Variants in CDH18 observed in about 807,000 individuals in gnomAD.
CDH18 encodes the protein cadherin 18.
Under a neutral mutation model 67.9 loss-of-function variants are expected in CDH18, and 31 were observed. The ratio of observed to expected loss-of-function variants is 0.46; its 90% CI spans 0.34 to 0.62. CDH18 has a LOEUF of 0.62. Among genes scored for constraint, CDH18 ranks in the 20% least tolerant of loss-of-function variants. CDH18 has a pLI of 0.01. For missense variants in CDH18, 890 were observed against 975.5 expected (o/e 0.91, Z 1.17); for synonymous variants, 362 against 347.2 (o/e 1.04, Z -0.48).
chr5:19,675,778 A>G (rs1319019982), intron 5 of CDH18, among the ~76,000 whole-genome samples: 2 of 152,092 alleles, frequency 1.3e-5, no homozygotes, highest in Non-Finnish European at 2.9e-5. Context: ...AAATCACAAG[A>G]GTATTGATTG....
chr5:20,010,377 T>G (rs184465535), intron 2 of CDH18, among the ~76,000 whole-genome samples: 110 of 152,100 alleles, frequency 7.2e-4, no homozygotes, highest in Admixed American at 1.3e-3. Context: ...GCCCCACTAT[T>G]TTTGTATTTT....
In CDH18 at chr5:19,929,966, T is replaced by C. The variant is rs1793496108; in HGVS notation, c.-257+51094A>G. Reference sequence around the variant, plus strand: ...CTCCTGTAGAGGTTGAAGTAGAAACTAAGAAAAAATAGGTTCAGATGTATA... The same window carrying C: ...CTCCTGTAGAGGTTGAAGTAGAAACCAAGAAAAAATAGGTTCAGATGTATA... On this transcript the variant is annotated intron_variant, in intron 2 of 12. Transcript: ENST00000382275. 2.0e-5 allele frequency among the ~76,000 whole-genome samples: 3 copies of C among 151,826 alleles called. 1 individual carries two copies. Among genetic ancestry groups the C allele is most frequent in the South Asian group, 4.1e-4 (2 of 4,826 alleles).
intron 2 of CDH18, among the ~76,000 whole-genome samples, chr5:20,174,841 G>T (rs1737107489): frequency 6.6e-6 from 1 of 151,888 alleles, no homozygotes; most frequent in South Asian, 2.1e-4. Context: ...CTTAGAGACG[G>T]TTTTCATATT....
chr5:19,875,395 T>TATAGATAGATAGATAG (rs56837232), intron 2 of CDH18, among the ~76,000 whole-genome samples: 111 of 147,740 alleles, frequency 7.5e-4, no homozygotes, highest in South Asian at 6.5e-4. Context: ...CTTCCATGGG[T>TATAGATAGATAGATAG]ATAGATAGAT....
intron 2 of CDH18, among the ~76,000 whole-genome samples, chr5:20,229,202 T>TA (rs1005767182): frequency 6.6e-6 from 1 of 152,112 alleles, no homozygotes; most frequent in African/African-American, 2.4e-5. Context: ...ATTGTTGATT[T>TA]AAAAGCCCAG....
At chr5:20,197,435 A>T (rs1739069230) in intron 2 of CDH18, among the ~76,000 whole-genome samples, 1 of 152,222 alleles carries the variant, frequency 6.6e-6, no homozygotes, top group African/African-American at 2.4e-5. Flanking sequence ...ATAAAAATTA[A>T]AAACTGCCCA....
chr5:19,961,008 A>G (rs375099225), intron 2 of CDH18, among the ~76,000 whole-genome samples: 11 of 151,534 alleles, frequency 7.3e-5, no homozygotes, highest in East Asian at 3.9e-4. Context: ...TGTTTATACC[A>G]TCATCACCAC....
chr5:19,702,055 C>A (rs186340325), intron 5 of CDH18, among the ~76,000 whole-genome samples: 1 of 151,972 alleles, frequency 6.6e-6, no homozygotes, highest in Non-Finnish European at 1.5e-5. Context: ...TTACAAATAC[C>A]CCTAAGGAAA....
chr5:20,001,156 G>A (rs2150400728), intron 2 of CDH18, among the ~76,000 whole-genome samples: 1 of 152,272 alleles, frequency 6.6e-6, no homozygotes, highest in Non-Finnish European at 1.5e-5. Flanking sequence ...TGCATGGGAA[G>A]CTTGATCTTC....
intron 10 of CDH18, among the ~76,000 whole-genome samples, chr5:19,511,946 T>A (rs973409985): frequency 3.3e-5 from 5 of 152,034 alleles, no homozygotes; most frequent in African/African-American, 1.2e-4. Context: ...GTCAGAGGTG[T>A]CCTCGGCAGC....
rs534988880 is a variant in CDH18, at chr5:19,776,649, G to A, written c.229-29413C>T. Among the ~76,000 whole-genome samples, 506 of 152,224 alleles carry A rather than the reference G, an allele frequency of 3.3e-3. 4 individuals carry two copies. The highest frequency in any genetic ancestry group is 0.031 in the Middle Eastern group (9 of 294). ...GAAAATGAGTAGATATAAAACCATT[G>A]GATTATATTAACAAAAGTAAGCCCA... On this transcript the variant is annotated intron_variant, in intron 3 of 12. Transcript: ENST00000382275.
At chr5:20,168,234 AG>A (rs1432836335) in intron 2 of CDH18, among the ~76,000 whole-genome samples, 3 of 152,172 alleles carry the variant, frequency 2.0e-5, no homozygotes, top group Non-Finnish European at 4.4e-5. Context: ...TTCTAAAATT[AG>A]AAATTAATGA....
At chr5:19,543,494 T>C (rs3811871) in intron 9 of CDH18, among the ~76,000 whole-genome samples, 87,527 of 152,004 alleles carry the variant, frequency 0.58, 26,136 homozygotes, top group Middle Eastern at 0.71. Context: ...TTATACATTT[T>C]TCTTTCTTTC....
intron 7 of CDH18, among the ~76,000 whole-genome samples, chr5:19,581,317 T>A (rs990450119): frequency 3.3e-5 from 5 of 151,980 alleles, no homozygotes; most frequent in African/African-American, 7.2e-5. Context: ...TAGTACTTTC[T>A]CCTCTAATAT....
At chr5:20,452,409 A>G (rs960944647) in intron 1 of CDH18, among the ~76,000 whole-genome samples, 2 of 152,160 alleles carry the variant, frequency 1.3e-5, no homozygotes, top group African/African-American at 2.4e-5. Context: ...CATACACACC[A>G]TGGAATACTA....
intron 2 of CDH18, chr5:19,848,089 T>G (rs2150061880): frequency 6.6e-6 from 1 of 152,296 alleles, no homozygotes; most frequent in Non-Finnish European, 1.5e-5. Flanking sequence ...CAGAGGCCAC[T>G]GAGTTGTATC....
Position 19,662,556 on chromosome 5 carries a change from G to C in CDH18, c.644-49955C>G, listed in dbSNP as rs1226071118. Among the ~76,000 whole-genome samples the C allele has an allele frequency of 2.0e-5, 3 of 152,084 alleles. No homozygotes were observed. In the East Asian group the frequency reaches 5.8e-4, roughly 29 times the overall value. ...CATTTTAGTTCCAGTAGCTTGGGAT[G>C]TCTTGTCCTGTTTGATAAAATAATT... On this transcript the variant is annotated intron_variant, in intron 5 of 12. Transcript: ENST00000382275.
intron 8 of CDH18, among the ~76,000 whole-genome samples, chr5:19,565,522 A>C (rs188693256): frequency 5.6e-4 from 85 of 152,360 alleles, no homozygotes; most frequent in Non-Finnish European, 1.1e-3. Flanking sequence ...ATATAGCTGC[A>C]ATGACCAAAG....
intron 2 of CDH18, among the ~76,000 whole-genome samples, chr5:20,167,378 C>A (rs10473326): frequency 0.55 from 82,817 of 151,198 alleles, 22,733 homozygotes; most frequent in Middle Eastern, 0.67. Flanking sequence ...CGGGAGAGGG[C>A]AGACCTGAAA....
Sources: gnomAD v4.1 joint callset for allele counts (sites outside exome capture counted in the v4.1 genomes callset) on GRCh38, gnomAD v4.1.1 for gene constraint, MANE v1.5 for transcripts, NCBI Gene and HGNC (gene_info 2026-07-23, HGNC 2026-07-21) for gene names.